ARHGAP12: variants seen among roughly 807,000 people sequenced by gnomAD.
ARHGAP12 encodes the protein Rho GTPase activating protein 12.
In ARHGAP12, 64 loss-of-function variants were observed where a neutral mutation model predicts 108.6. That is an observed-to-expected ratio of 0.59 (90% CI 0.48 to 0.73). The LOEUF is 0.73. ARHGAP12 is among the 30% of genes least tolerant of loss of function. The pLI, the probability that ARHGAP12 is intolerant of heterozygous loss-of-function variation, is 0.00. For synonymous variants in ARHGAP12, 312 were observed against 337.2 expected (o/e 0.93, Z 0.82); for missense variants, 940 against 1,005.9 (o/e 0.93, Z 0.89).
chr10:31,831,796 T>A lies in ARHGAP12; in HGVS notation c.1391A>T (p.Gln464Leu). 1 of 1,571,774 alleles carries A rather than the reference T, an allele frequency of 6.4e-7. No individual in the cohort carries two copies. The highest frequency in any genetic ancestry group is 8.7e-7 in the Non-Finnish European group (1 of 1,145,270). The change falls in exon 10 of 20, where the codon CAA becomes CTA. Residue 464 changes from glutamine (Q) to leucine (L), a missense_variant. Gln to Leu is a moderately radical substitution (Grantham distance 113). Transcript: ENST00000344936. ...HQDTASSPKD[Q>L]EKYGLLNVTK... ...TACATTTAATAATCCATATTTCTCT[T>A]GATCCTATGGAACAGAGTAATACTG...
intron 7 of ARHGAP12, among the ~76,000 whole-genome samples, chr10:31,841,446 A>G (rs1836262696): frequency 6.6e-6 from 1 of 152,148 alleles, no homozygotes; most frequent in Non-Finnish European, 1.5e-5. Flanking sequence ...TGAAATTTTG[A>G]TCTTTTCCTG....
intron 11 of ARHGAP12, among the ~76,000 whole-genome samples, chr10:31,824,789 A>G (rs376438216): frequency 1.1e-4 from 16 of 152,264 alleles, no homozygotes; most frequent in East Asian, 3.9e-4. Flanking sequence ...TAATTATCAA[A>G]TAAGTGACCA....
At chr10:31,828,941 C>A (rs1835726945) in intron 10 of ARHGAP12, among the ~76,000 whole-genome samples, 1 of 152,316 alleles carries the variant, frequency 6.6e-6, no homozygotes, top group East Asian at 1.9e-4. Context: ...CACCTGAGGT[C>A]AGGAGTTCAA....
At chr10:31,915,606 AATG>A (rs779904461) in intron 1 of ARHGAP12, among the ~76,000 whole-genome samples, 1 of 152,202 alleles carries the variant, frequency 6.6e-6, no homozygotes, top group African/African-American at 2.4e-5. Context: ...TCACCACTAA[AATG>A]ATAACTATGT....
intron 12 of ARHGAP12, among the ~76,000 whole-genome samples, chr10:31,819,150 A>G (rs11008662): frequency 0.051 from 7,679 of 151,820 alleles, 648 homozygotes; most frequent in African/African-American, 0.17. Context: ...AATATTTATT[A>G]TTATAAATAA....
intron 1 of ARHGAP12, among the ~76,000 whole-genome samples, chr10:31,918,359 A>C (rs1021225226): frequency 7.1e-6 from 1 of 140,322 alleles, no homozygotes; most frequent in Non-Finnish European, 1.6e-5. Context: ...ACACACACAC[A>C]CCAATGAGAT....
chr10:31,861,489 T>A lies in ARHGAP12; in HGVS notation c.854A>T (p.Asn285Ile). ...KDSSGRCYYY[N>I]RGTQERTWKP... is the part of the protein sequence containing the mutation. ...CCAAGTTCTTTCCTGTGTCCCTCTG[T>A]TATAGTAATAGCAACGCCCTGAGCT... Residue 285 changes from asparagine to isoleucine, a missense_variant, in exon 4 of 20, where the codon AAC (asparagine) becomes ATC (isoleucine). Physicochemically the swap from Asn to Ile is moderately radical, Grantham distance 149. Coordinates refer to ENST00000344936, the MANE Select transcript of ARHGAP12 (RefSeq NM_018287.7). 1.2e-6 allele frequency: 2 copies of A among 1,614,162 alleles called. No homozygotes were observed. Among genetic ancestry groups the A allele is most frequent in the South Asian group, 2.2e-5 (2 of 91,076 alleles).
At chr10:31,873,882 C>T (rs1837627487) in intron 3 of ARHGAP12, among the ~76,000 whole-genome samples, 1 of 152,162 alleles carries the variant, frequency 6.6e-6, no homozygotes, top group Non-Finnish European at 1.5e-5. Flanking sequence ...GGACATTATG[C>T]TGAGATAGTA....
intron 3 of ARHGAP12, among the ~76,000 whole-genome samples, chr10:31,880,439 T>C (rs754467625): frequency 6.6e-6 from 1 of 151,838 alleles, no homozygotes; most frequent in Non-Finnish European, 1.5e-5. Context: ...TGAAACCCCA[T>C]CTCTATAGAA....
intron 7 of ARHGAP12, among the ~76,000 whole-genome samples, chr10:31,842,959 CT>C (rs1259518094): frequency 6.6e-6 from 1 of 152,046 alleles, no homozygotes; most frequent in Non-Finnish European, 1.5e-5. Flanking sequence ...AAAAGAAGTG[CT>C]TTCTGCAGAG....
intron 1 of ARHGAP12, among the ~76,000 whole-genome samples, chr10:31,912,075 C>T (rs74828641): frequency 0.011 from 1,680 of 152,292 alleles, 12 homozygotes; most frequent in Non-Finnish European, 0.018. Context: ...ACCTTTCAGA[C>T]GCTCAGTCGT....
At chr10:31,871,651 G>A (rs1010828158) in intron 3 of ARHGAP12, among the ~76,000 whole-genome samples, 1 of 152,180 alleles carries the variant, frequency 6.6e-6, no homozygotes, top group African/African-American at 2.4e-5. Context: ...TACTGATGAA[G>A]TCATCTCTCT....
At chr10:31,885,795 G>A (rs1194698010) in intron 3 of ARHGAP12, among the ~76,000 whole-genome samples, 2 of 151,158 alleles carry the variant, frequency 1.3e-5, no homozygotes, top group Admixed American at 6.6e-5. Context: ...CTCCAACCTG[G>A]GTGACAGAGC....
intron 9 of ARHGAP12, among the ~76,000 whole-genome samples, chr10:31,832,098 T>G (rs1835856923): frequency 6.6e-6 from 1 of 152,182 alleles, no homozygotes. Flanking sequence ...GAAAAATAAT[T>G]TATGTCTTTC....
At chr10:31,895,853 T>G (rs1838663863) in intron 3 of ARHGAP12, among the ~76,000 whole-genome samples, 1 of 152,146 alleles carries the variant, frequency 6.6e-6, no homozygotes, top group Non-Finnish European at 1.5e-5. Flanking sequence ...TGTCCAACAA[T>G]GATAGACTGC....
intron 6 of ARHGAP12, among the ~76,000 whole-genome samples, chr10:31,852,145 ACTTTT>A (rs989818880): frequency 1.4e-4 from 21 of 152,222 alleles, no homozygotes; most frequent in African/African-American, 4.6e-4. Flanking sequence ...ATACTGAGTT[ACTTTT>A]CTTTCTCTCA....
At position 31,808,678 on chromosome 10, in the gene ARHGAP12, T is replaced by C. The variant is rs1228795047; in HGVS notation, c.2337A>G (p.Thr779=). The C allele has an allele frequency of 6.2e-7, 1 of 1,613,666 alleles. No individual in the cohort carries two copies. The highest frequency in any genetic ancestry group is 8.5e-7 in the Non-Finnish European group (1 of 1,179,730). ...IRQLPKPNQD[T]MQILFRHLRR... Reference sequence around the variant, plus strand: ...TGAGATGTCGGAAAAGAATCTGCATTGTGTCTTGGTTTGGCTTTGGCAACT... The same window carrying C: ...TGAGATGTCGGAAAAGAATCTGCATCGTGTCTTGGTTTGGCTTTGGCAACT... Residue 779 remains threonine (T), a synonymous_variant, in exon 19 of 20, where the codon ACA becomes ACG. Transcript: ENST00000344936.
At chr10:31,920,432 AGAGT>A (rs1333334447) in intron 1 of ARHGAP12, among the ~76,000 whole-genome samples, 60 of 131,266 alleles carry the variant, frequency 4.6e-4, no homozygotes, top group Non-Finnish European at 5.4e-4. Flanking sequence ...CCTAGGCGAC[AGAGT>A]GAGACTCCGT....
At chr10:31,920,889 A>C (rs1044695130) in intron 1 of ARHGAP12, among the ~76,000 whole-genome samples, 1 of 152,208 alleles carries the variant, frequency 6.6e-6, no homozygotes, top group Admixed American at 6.5e-5. Flanking sequence ...CAATCACAAT[A>C]AAATTAAATT....
Sources: allele counts gnomAD v4.1 joint callset (sites outside exome capture counted in the v4.1 genomes callset), GRCh38; gene constraint gnomAD v4.1.1; transcripts MANE v1.5; gene names NCBI Gene and HGNC (gene_info 2026-07-23, HGNC 2026-07-21).